Variants in BMPR2 observed in about 807,000 individuals in gnomAD.
BMPR2 encodes bone morphogenetic protein receptor type 2.
BMPR2 carries 29 observed loss-of-function variants against 100.8 expected under a neutral mutation model. The ratio of observed to expected loss-of-function variants is 0.29; its 90% confidence interval spans 0.21 to 0.39. The LOEUF (loss-of-function observed/expected upper bound fraction) is 0.39. BMPR2 is among the 10% of genes least tolerant of loss of function. BMPR2 has a pLI of 1.00. For missense variants in BMPR2, 1,011 were observed against 1,274.5 expected (o/e 0.79, Z 3.15); for synonymous variants, 382 against 442.3 (o/e 0.86, Z 1.71).
At chr2:202,430,695 C>G (rs551257116) in intron 1 of BMPR2, among the ~76,000 whole-genome samples, 43 of 152,116 alleles carry the variant, frequency 2.8e-4, no homozygotes, top group African/African-American at 9.9e-4. Context: ...CGCGGTGGAT[C>G]ACACCTGTAA....
intron 10 of BMPR2, among the ~76,000 whole-genome samples, chr2:202,545,356 T>G (rs1248374491): frequency 6.6e-6 from 1 of 152,118 alleles, no homozygotes; most frequent in Non-Finnish European, 1.5e-5. Context: ...ATCATAATTA[T>G]ATTTCCAGAA....
chr2:202,548,908 A>G (rs1191513410), intron 10 of BMPR2, among the ~76,000 whole-genome samples: 1 of 152,190 alleles, frequency 6.6e-6, no homozygotes, highest in Non-Finnish European at 1.5e-5. Flanking sequence ...AACTGCACGT[A>G]TTAAAGTGTA....
At chr2:202,425,962 A>C (rs913806077) in intron 1 of BMPR2, among the ~76,000 whole-genome samples, 5 of 152,240 alleles carry the variant, frequency 3.3e-5, no homozygotes, top group African/African-American at 4.8e-5. Context: ...AAATATGAAA[A>C]ATATTTTTTA....
intron 1 of BMPR2, among the ~76,000 whole-genome samples, chr2:202,450,288 A>G (rs534281740): frequency 1.3e-5 from 2 of 152,322 alleles, no homozygotes; most frequent in Admixed American, 1.3e-4. Flanking sequence ...CTCTGACATC[A>G]TGAGAATGCT....
At chr2:202,536,625 C>T (rs1317442142) in intron 9 of BMPR2, among the ~76,000 whole-genome samples, 1 of 152,060 alleles carries the variant, frequency 6.6e-6, no homozygotes, top group Non-Finnish European at 1.5e-5. Context: ...GTAATCCCAG[C>T]ACCTTAGGAG....
intron 3 of BMPR2, among the ~76,000 whole-genome samples, chr2:202,510,921 C>T (rs899087385): frequency 3.3e-5 from 5 of 151,502 alleles, no homozygotes; most frequent in Non-Finnish European, 7.4e-5. Context: ...CCTTGTGATC[C>T]GTCTGCCTCA....
In BMPR2 at chr2:202,505,816, T is replaced by TG. The variant is rs1156398482; in HGVS notation, c.419-7900dup. On this transcript the variant is annotated intron_variant, in intron 3 of 12. Transcript: ENST00000374580. ...TTTACCACTGTTACCTGAAATATTT[T>TG]GGGAGTGTAATATTATCAATAATAG... Among the ~76,000 whole-genome samples the TG allele has an allele frequency of 2.6e-4, 40 of 152,334 alleles. 1 individual carries two copies. The highest frequency in any genetic ancestry group is 2.4e-3 in the Admixed American group (36 of 15,294).
In BMPR2 at chr2:202,555,272, G is replaced by A. The variant is rs201440272; in HGVS notation, c.1607G>A (p.Arg536His). The A allele has an allele frequency of 6.3e-5, 101 of 1,614,004 alleles. No homozygotes were observed. The highest frequency in any genetic ancestry group is 3.2e-4 in the African/African-American group (24 of 74,998). The change falls in exon 12 of 13, where the codon CGT (arginine) becomes CAT (histidine). Residue 536 changes from arginine to histidine, a missense_variant. Physicochemically the swap from Arg to His is conservative, Grantham distance 29 (BLOSUM62 0). Transcript: ENST00000374580. The part of the protein sequence containing the change: ...QNERNLSHNR[R>H]VPKIGPYPDY... ...TTAAGCAACCTGTCACATAATAGGCGTGTGCCAAAAATTGGTCCTTATCCA... is the reference window on the plus strand; with the variant it reads ...TTAAGCAACCTGTCACATAATAGGCATGTGCCAAAAATTGGTCCTTATCCA...
At chr2:202,435,799 A>G (rs972928969) in intron 1 of BMPR2, among the ~76,000 whole-genome samples, 2 of 150,372 alleles carry the variant, frequency 1.3e-5, no homozygotes, top group African/African-American at 5.0e-5. Flanking sequence ...GCAGCAACCT[A>G]CAGTATTCAG....
intron 3 of BMPR2, among the ~76,000 whole-genome samples, chr2:202,484,153 G>A (rs371917594): frequency 1.2e-4 from 19 of 152,276 alleles, no homozygotes; most frequent in Admixed American, 5.9e-4. Flanking sequence ...CTATGGTAAA[G>A]TCAAAAAATT....
At chr2:202,559,357 A>C (rs999462443) in intron 12 of BMPR2, among the ~76,000 whole-genome samples, 2 of 152,154 alleles carry the variant, frequency 1.3e-5, no homozygotes, top group African/African-American at 4.8e-5. Flanking sequence ...ATTAAATACA[A>C]TAATTAAGTA....
intron 9 of BMPR2, among the ~76,000 whole-genome samples, chr2:202,540,398 A>G (rs1270452176): frequency 1.3e-5 from 2 of 152,190 alleles, no homozygotes; most frequent in Non-Finnish European, 1.5e-5. Flanking sequence ...ACTAACTGCC[A>G]TGATTATTAA....
chr2:202,527,044 A>G (rs778366535), intron 7 of BMPR2, among the ~76,000 whole-genome samples: 1 of 151,990 alleles, frequency 6.6e-6, no homozygotes, highest in Non-Finnish European at 1.5e-5. Flanking sequence ...TTTGTATTTT[A>G]GTAGAGACAA....
At position 202,531,962 on chromosome 2, in the gene BMPR2, C is replaced by T. The variant is rs376412682; in HGVS notation, c.1129-623C>T. 2.3e-3 allele frequency among the ~76,000 whole-genome samples: 100 copies of T among 43,458 alleles called. 1 individual carries two copies. The highest frequency in any genetic ancestry group is 5.3e-3 in the African/African-American group (76 of 14,324). The allele number at this position is 43,458 out of a possible 152,430, so 28.5% of individuals were successfully genotyped here. A position where few individuals can be genotyped will look rare whatever the true frequency, so the allele number is the denominator to read the frequency against. On this transcript the variant is annotated intron_variant, in intron 8 of 12. Transcript: ENST00000374580. The stretch of plus-strand genomic sequence containing the variant: ...TTTTTTTTTTTTTTTTTTTTTGAGA[C>T]GGAGTCTCTCTCTGTCACCCAGGCT...
chr2:202,555,554 C>CT lies in BMPR2; in HGVS notation c.1890dup (p.Glu631Ter). ...CCAAGTACTGGCATGACTACTATATCTGAGATGCCATACCCAGATGAAACA... is the reference window on the plus strand; with the variant it reads ...CCAAGTACTGGCATGACTACTATATCTTGAGATGCCATACCCAGATGAAACA... On this transcript the variant is annotated frameshift_variant, in exon 12 of 13. Coordinates refer to ENST00000374580, the MANE Select transcript of BMPR2 (RefSeq NM_001204.7). LOFTEE classifies it high-confidence loss of function. The CT allele has an allele frequency of 6.2e-7, 1 of 1,614,174 alleles. No individual in the cohort carries two copies. Among genetic ancestry groups the CT allele is most frequent in the Non-Finnish European group, 8.5e-7 (1 of 1,180,046 alleles).
chr2:202,388,482 C>T (rs1374703515), intron 1 of BMPR2, among the ~76,000 whole-genome samples: 2 of 150,112 alleles, frequency 1.3e-5, no homozygotes, highest in East Asian at 2.0e-4. Context: ...CTTGCTAAGG[C>T]CTTCTTTTAA....
At position 202,542,366 on chromosome 2, in the gene BMPR2, C is replaced by T; in HGVS notation, c.1332C>T (p.Pro444=). The stretch of plus-strand genomic sequence containing the variant: ...TTCAGACAGAGGTTGGAAACCATCC[C>T]ACTTTTGAGGATATGCAGGTTCTCG... The part of the protein sequence containing the change: ...MAFQTEVGNH[P]TFEDMQVLVS... The change falls in exon 10 of 13, where the codon CCC becomes CCT. Residue 444 remains proline (P), a synonymous_variant. Coordinates refer to ENST00000374580, the MANE Select transcript of BMPR2 (RefSeq NM_001204.7). 6.2e-7 allele frequency: 1 copy of T among 1,613,992 alleles called. No individual in the cohort carries two copies. The highest frequency in any genetic ancestry group is 8.5e-7 in the Non-Finnish European group (1 of 1,179,978).
At chr2:202,474,162 A>C (rs767567552) in intron 3 of BMPR2, among the ~76,000 whole-genome samples, 1 of 151,794 alleles carries the variant, frequency 6.6e-6, no homozygotes, top group Non-Finnish European at 1.5e-5. Context: ...CTTAGCAAAG[A>C]AATAAGTGGA....
chr2:202,480,288 A>G (rs1452167076), intron 3 of BMPR2, among the ~76,000 whole-genome samples: 1 of 152,026 alleles, frequency 6.6e-6, no homozygotes, highest in Non-Finnish European at 1.5e-5. Flanking sequence ...GTTTGCCACC[A>G]TGCCTAGCAT....
Sources: allele counts gnomAD v4.1 joint callset (sites outside exome capture counted in the v4.1 genomes callset), GRCh38; gene constraint gnomAD v4.1.1; transcripts MANE v1.5; gene names NCBI Gene and HGNC (gene_info 2026-07-23, HGNC 2026-07-21).